The following CTNNA2 variants were observed in gnomAD, a reference collection of about 807,000 sequenced individuals.
CTNNA2 encodes catenin alpha 2, also known as catenin alpha-2.
A neutral mutation model predicts 101.0 loss-of-function variants in CTNNA2; 42 were observed. The observed-to-expected ratio is 0.42, with a 90% CI of 0.32 to 0.54. The LOEUF (loss-of-function observed/expected upper bound fraction) is 0.54, where lower values mean the gene tolerates loss of function less well. Among genes scored for constraint, CTNNA2 ranks in the 20% least tolerant of loss-of-function variants. The pLI, the probability that CTNNA2 is intolerant of heterozygous loss-of-function variation, is 0.14. For synonymous variants in CTNNA2, 450 were observed against 456.4 expected (o/e 0.99, Z 0.18); for missense variants, 871 against 1,223.1 (o/e 0.71, Z 4.29).
At chr2:79,268,442 T>G (rs1675016100) in intron 2 of CTNNA2, among the ~76,000 whole-genome samples, 1 of 152,114 alleles carries the variant, frequency 6.6e-6, no homozygotes, top group African/African-American at 2.4e-5. Context: ...GTATTCTTTG[T>G]AACATTCTTT....
At chr2:79,798,945 C>T (rs1486984010) in intron 3 of CTNNA2, among the ~76,000 whole-genome samples, 3 of 152,132 alleles carry the variant, frequency 2.0e-5, no homozygotes, top group Non-Finnish European at 4.4e-5. Flanking sequence ...GGAAAGTACG[C>T]ATCTGGCATT....
At chr2:79,982,500 CAT>C (rs1491197084) in intron 7 of CTNNA2, among the ~76,000 whole-genome samples, 4 of 149,142 alleles carry the variant, frequency 2.7e-5, no homozygotes, top group South Asian at 2.1e-4. Flanking sequence ...CACACACACA[CAT>C]GCACGCACAC....
chr2:80,012,433 A>G (rs1205989339), intron 7 of CTNNA2, among the ~76,000 whole-genome samples: 1 of 152,132 alleles, frequency 6.6e-6, no homozygotes, highest in African/African-American at 2.4e-5. Flanking sequence ...ACATTTCCTA[A>G]GATTCTGAGT....
intron 6 of CTNNA2, among the ~76,000 whole-genome samples, chr2:79,898,129 TTTTC>T (rs1684838018): frequency 6.6e-6 from 1 of 152,056 alleles, no homozygotes; most frequent in Admixed American, 6.6e-5. Flanking sequence ...ATATGGTTTC[TTTTC>T]TTTCTTTTTT....
At chr2:79,799,094 G>A (rs941822160) in intron 3 of CTNNA2, among the ~76,000 whole-genome samples, 1 of 152,096 alleles carries the variant, frequency 6.6e-6, no homozygotes, top group African/African-American at 2.4e-5. Flanking sequence ...TACTTTCCTA[G>A]GCAGCTCCTG....
At chr2:79,674,371 C>A (rs964620163) in intron 2 of CTNNA2, among the ~76,000 whole-genome samples, 2 of 152,190 alleles carry the variant, frequency 1.3e-5, no homozygotes, top group African/African-American at 4.8e-5. Context: ...TCCATCTTTG[C>A]TGATTGGAGC....
intron 2 of CTNNA2, among the ~76,000 whole-genome samples, chr2:79,652,868 T>A (rs1405764412): frequency 6.6e-6 from 1 of 152,096 alleles, no homozygotes; most frequent in Non-Finnish European, 1.5e-5. Flanking sequence ...CAACTCAAGT[T>A]CAAAATATCA....
intron 7 of CTNNA2, among the ~76,000 whole-genome samples, chr2:80,364,472 C>G (rs960292834): frequency 6.6e-6 from 1 of 151,594 alleles, no homozygotes; most frequent in Non-Finnish European, 1.5e-5. Flanking sequence ...TTAGTCGTTC[C>G]TAAAATTATG....
At chr2:80,508,868 A>G (rs1361213913) in intron 9 of CTNNA2, among the ~76,000 whole-genome samples, 4 of 152,154 alleles carry the variant, frequency 2.6e-5, no homozygotes, top group Non-Finnish European at 4.4e-5. Flanking sequence ...GCAGGCTAGG[A>G]ATCTTGGCCC....
At chr2:80,321,421 A>G (rs1353996988) in intron 7 of CTNNA2, among the ~76,000 whole-genome samples, 1 of 152,224 alleles carries the variant, frequency 6.6e-6, no homozygotes, top group African/African-American at 2.4e-5. Context: ...TACAGTGTAT[A>G]TTGAACGGAG....
At chr2:79,295,332 G>C (rs1351456398) in intron 2 of CTNNA2, among the ~76,000 whole-genome samples, 1 of 151,986 alleles carries the variant, frequency 6.6e-6, no homozygotes, top group Non-Finnish European at 1.5e-5. Flanking sequence ...CCCTGAATTG[G>C]GAGAATCATG....
chr2:79,334,943 A>G (rs1676961082), intron 3 of CTNNA2, among the ~76,000 whole-genome samples: 1 of 152,142 alleles, frequency 6.6e-6, no homozygotes, highest in African/African-American at 2.4e-5. Context: ...GGGATACTGA[A>G]CTAGGCCCTC....
intron 2 of CTNNA2, among the ~76,000 whole-genome samples, chr2:79,311,192 G>A (rs1160912901): frequency 6.6e-5 from 10 of 152,108 alleles, no homozygotes; most frequent in African/African-American, 2.2e-4. Context: ...GGCGGATCAC[G>A]AGGTCAGGAG....
chr2:79,996,463 AAAG>A (rs1574497735), intron 7 of CTNNA2, among the ~76,000 whole-genome samples: 4 of 152,232 alleles, frequency 2.6e-5, no homozygotes, highest in Admixed American at 6.5e-5. Flanking sequence ...GAAGCAGAAA[AAAG>A]AAGATATGGG....
chr2:80,298,214 G>C (rs1222390884), intron 7 of CTNNA2: 1 of 151,932 alleles, frequency 6.6e-6, no homozygotes, highest in East Asian at 1.9e-4. Flanking sequence ...ATATATTTCA[G>C]AAGCACATTT....
At chr2:79,893,759 G>C (rs1684466471) in intron 6 of CTNNA2, among the ~76,000 whole-genome samples, 1 of 152,106 alleles carries the variant, frequency 6.6e-6, no homozygotes, top group African/African-American at 2.4e-5. Context: ...TAATCCTGCA[G>C]TTTGTTCTTT....
intron 11 of CTNNA2, among the ~76,000 whole-genome samples, chr2:80,551,660 G>A (rs543076366): frequency 6.6e-6 from 1 of 152,266 alleles, no homozygotes; most frequent in African/African-American, 2.4e-5. Flanking sequence ...AGCCTTCATA[G>A]AATTAAAGAG....
At chr2:80,059,430 G>A (rs1313670478) in intron 7 of CTNNA2, among the ~76,000 whole-genome samples, 1 of 152,216 alleles carries the variant, frequency 6.6e-6, no homozygotes, top group African/African-American at 2.4e-5. Context: ...AGGAATTTGA[G>A]TCAACAGCAT....
At chr2:79,737,847 A>C (rs2104954583) in intron 2 of CTNNA2, among the ~76,000 whole-genome samples, 1 of 152,306 alleles carries the variant, frequency 6.6e-6, no homozygotes. Flanking sequence ...CTCACATTTC[A>C]AAATCAGTGT....
Sources: gnomAD v4.1 joint callset for allele counts (sites outside exome capture counted in the v4.1 genomes callset) on GRCh38, gnomAD v4.1.1 for gene constraint, MANE v1.5 for transcripts, NCBI Gene and HGNC (gene_info 2026-07-23, HGNC 2026-07-21) for gene names.